RBMS3: variants seen among roughly 807,000 people sequenced by gnomAD.
The protein encoded by RBMS3 is RNA binding motif single stranded interacting protein 3.
RBMS3 carries 27 observed loss-of-function variants against 66.8 expected under a neutral mutation model. That is an observed-to-expected ratio of 0.40 (90% CI 0.30 to 0.56). The LOEUF is 0.56. RBMS3 is among the 20% of genes least tolerant of loss of function. The pLI is 0.40. For synonymous variants in RBMS3, 188 were observed against 183.0 expected (o/e 1.03, Z -0.22); for missense variants, 513 against 549.5 (o/e 0.93, Z 0.66).
chr3:29,639,116 A>G (rs1051118053), intron 4 of RBMS3, among the ~76,000 whole-genome samples: 2 of 151,812 alleles, frequency 1.3e-5, no homozygotes, highest in African/African-American at 4.8e-5. Context: ...ATTTGAGGGA[A>G]GAGGCCTGGG....
At chr3:29,415,902 A>G (rs943577372) in intron 1 of RBMS3, among the ~76,000 whole-genome samples, 1 of 152,166 alleles carries the variant, frequency 6.6e-6, no homozygotes, top group Non-Finnish European at 1.5e-5. Flanking sequence ...GCCATGATAT[A>G]ACACTTGGAA....
chr3:29,351,895 A>G (rs536195040), intron 1 of RBMS3, among the ~76,000 whole-genome samples: 27 of 152,190 alleles, frequency 1.8e-4, no homozygotes, highest in African/African-American at 6.5e-4. Flanking sequence ...ACGTGCTCAT[A>G]CATTGCATAC....
At chr3:29,965,626 C>T (rs1182962322) in intron 12 of RBMS3, among the ~76,000 whole-genome samples, 3 of 151,886 alleles carry the variant, frequency 2.0e-5, no homozygotes, top group South Asian at 2.1e-4. Flanking sequence ...TTCTGGATAT[C>T]GGTCCTTTGT....
intron 6 of RBMS3, among the ~76,000 whole-genome samples, chr3:29,787,840 A>T (rs955726374): frequency 5.3e-5 from 8 of 151,594 alleles, no homozygotes; most frequent in African/African-American, 1.4e-4. Context: ...TACTGAAATT[A>T]AAAAAAATTA....
chr3:29,680,853 A>T (rs1033594398), intron 4 of RBMS3, among the ~76,000 whole-genome samples: 1 of 152,180 alleles, frequency 6.6e-6, no homozygotes, highest in Non-Finnish European at 1.5e-5. Context: ...CTCTTTTAGG[A>T]TGGAATTTCA....
chr3:29,513,841 C>T (rs2044509104), intron 3 of RBMS3, among the ~76,000 whole-genome samples: 1 of 152,156 alleles, frequency 6.6e-6, no homozygotes, highest in Admixed American at 6.5e-5. Context: ...TCATTCTATA[C>T]TTTCCTTCTT....
intron 4 of RBMS3, among the ~76,000 whole-genome samples, chr3:29,736,275 A>C (rs1036473058): frequency 3.9e-5 from 6 of 152,234 alleles, no homozygotes; most frequent in African/African-American, 1.4e-4. Context: ...GAACGACACT[A>C]TCCAATGTGC....
chr3:29,561,694 G>T (rs531654463), intron 3 of RBMS3, among the ~76,000 whole-genome samples: 3 of 152,064 alleles, frequency 2.0e-5, no homozygotes, highest in East Asian at 1.9e-4. Context: ...CTTGTGATCC[G>T]CCCGCCTCGG....
intron 5 of RBMS3, among the ~76,000 whole-genome samples, chr3:29,745,491 C>T (rs1460119111): frequency 6.6e-5 from 10 of 152,006 alleles, no homozygotes; most frequent in African/African-American, 2.4e-4. Flanking sequence ...TTATCCATTT[C>T]CCATTTCCAG....
Position 29,797,558 on chromosome 3 carries a change from C to A in RBMS3, c.637+34569C>A, listed in dbSNP as rs1452965327. On this transcript the variant is annotated intron_variant, in intron 6 of 14. Coordinates refer to ENST00000383767, the MANE Select transcript of RBMS3 (RefSeq NM_001003793.3). ...ATTTTCATCAAGGACTTTTCTTTTG[C>A]ATTCACAGCTTGGCTAACTGGTAAA... is the stretch of plus-strand genomic sequence containing the variant. 2 of 152,192 alleles carry A rather than the reference C, an allele frequency of 1.3e-5. 1 individual carries two copies. The highest frequency in any genetic ancestry group is 1.3e-4 in the Admixed American group (2 of 15,278). The allele number at this position is 152,192 out of a possible 1,614,324, so 9.4% of individuals were successfully genotyped here.
chr3:29,960,892 C>T (rs987311825), intron 12 of RBMS3, among the ~76,000 whole-genome samples: 8 of 152,196 alleles, frequency 5.3e-5, no homozygotes, highest in Non-Finnish European at 1.0e-4. Context: ...ATTTTTCCTC[C>T]TTAGCCTCTG....
intron 3 of RBMS3, among the ~76,000 whole-genome samples, chr3:29,576,236 G>A (rs1253150455): frequency 1.3e-5 from 2 of 152,132 alleles, no homozygotes; most frequent in Non-Finnish European, 2.9e-5. Flanking sequence ...CCACCTTGGT[G>A]GTCTTGGGTA....
At chr3:29,323,992 C>G (rs548968506) in intron 1 of RBMS3, among the ~76,000 whole-genome samples, 36 of 42,234 alleles carry the variant, frequency 8.5e-4, no homozygotes, top group Non-Finnish European at 1.1e-3. Flanking sequence ...GATTTGCCCA[C>G]TCTGAAAAAA....
At chr3:29,286,659 A>G (rs2032367088) in intron 1 of RBMS3, among the ~76,000 whole-genome samples, 1 of 152,050 alleles carries the variant, frequency 6.6e-6, no homozygotes, top group East Asian at 1.9e-4. Flanking sequence ...GACACAATAT[A>G]GAAGGGAGGA....
At chr3:29,901,834 G>T (rs1325869859) in intron 10 of RBMS3, among the ~76,000 whole-genome samples, 1 of 151,744 alleles carries the variant, frequency 6.6e-6, no homozygotes, top group African/African-American at 2.4e-5. Flanking sequence ...ACACCACTTT[G>T]CTATCTTTTA....
At chr3:29,912,892 A>T (rs991492668) in intron 10 of RBMS3, among the ~76,000 whole-genome samples, 4 of 151,940 alleles carry the variant, frequency 2.6e-5, no homozygotes, top group African/African-American at 9.7e-5. Context: ...CTCATGGAAA[A>T]GATGGCAAGA....
In RBMS3 at chr3:29,643,918, C is replaced by G. The variant is rs139233263; in HGVS notation, c.399+56713C>G. ...ATGAATTTCCTGCCATTTTCTTTCT[C>G]TGAAAACCTCCGTTTAGGATAATTT... On this transcript the variant is annotated intron_variant, in intron 4 of 14. Coordinates refer to ENST00000383767, the MANE Select transcript of RBMS3 (RefSeq NM_001003793.3). Among the ~76,000 whole-genome samples the G allele has an allele frequency of 3.9e-3, 600 of 152,290 alleles. 7 individuals carry two copies. The highest frequency in any genetic ancestry group is 0.014 in the African/African-American group (572 of 41,586).
chr3:29,355,433 G>T (rs1288975942), intron 1 of RBMS3, among the ~76,000 whole-genome samples: 1 of 151,838 alleles, frequency 6.6e-6, no homozygotes, highest in Non-Finnish European at 1.5e-5. Flanking sequence ...GTTCCCATTT[G>T]TCATCAGTGC....
intron 1 of RBMS3, among the ~76,000 whole-genome samples, chr3:29,359,012 T>C (rs2125575936): frequency 6.6e-6 from 1 of 152,336 alleles, no homozygotes; most frequent in Non-Finnish European, 1.5e-5. Context: ...TTTGACTTCC[T>C]CTTTTCCTAA....
Sources: allele counts gnomAD v4.1 joint callset (sites outside exome capture counted in the v4.1 genomes callset), GRCh38; gene constraint gnomAD v4.1.1; transcripts MANE v1.5; gene names NCBI Gene and HGNC (gene_info 2026-07-23, HGNC 2026-07-21).